The following PLXNA4 variants were observed in gnomAD, a reference collection of about 807,000 sequenced individuals.
PLXNA4 encodes the protein plexin A4, also known as plexin-A4.
Under a neutral mutation model 191.8 loss-of-function variants are expected in PLXNA4, and 44 were observed. That is an observed-to-expected ratio of 0.23 (90% CI 0.18 to 0.29). PLXNA4 has a LOEUF of 0.29. PLXNA4 is among the 10% of genes least tolerant of loss of function. The pLI is 1.00. For missense variants in PLXNA4, 1,800 were observed against 2,488.8 expected (o/e 0.72, Z 5.89); for synonymous variants, 1,082 against 1,009.5 (o/e 1.07, Z -1.36).
intron 5 of PLXNA4, among the ~76,000 whole-genome samples, chr7:132,237,518 C>T (rs1012385468): frequency 5.3e-5 from 8 of 152,108 alleles, no homozygotes; most frequent in Non-Finnish European, 7.4e-5. Flanking sequence ...AGTGCCTCAG[C>T]GGGCAGGCAG....
chr7:132,196,903 A>G (rs988531661), intron 13 of PLXNA4, among the ~76,000 whole-genome samples: 4 of 152,050 alleles, frequency 2.6e-5, no homozygotes, highest in African/African-American at 7.2e-5. Flanking sequence ...ATGCTCTTTG[A>G]TCATTTTGTG....
At chr7:132,269,002 C>T (rs151280973) in intron 4 of PLXNA4, among the ~76,000 whole-genome samples, 235 of 152,254 alleles carry the variant, frequency 1.5e-3, no homozygotes, top group African/African-American at 5.4e-3. Context: ...TATGTAAAAA[C>T]AAAGTATTAT....
chr7:132,302,686 A>G (rs189353585), intron 3 of PLXNA4, among the ~76,000 whole-genome samples: 5 of 151,448 alleles, frequency 3.3e-5, no homozygotes, highest in Non-Finnish European at 5.9e-5. Context: ...TTCACCGCTC[A>G]TAAGGTAGGA....
Position 132,293,023 on chromosome 7 carries a change from C to T in PLXNA4, c.1503+5068G>A, listed in dbSNP as rs148676516. 3.8e-3 allele frequency among the ~76,000 whole-genome samples: 579 copies of T among 152,218 alleles called. 4 individuals are homozygous for T. The highest frequency in any genetic ancestry group is 0.013 in the African/African-American group (535 of 41,534). ...GAACAAAGGCCTGTTTGCTGGTACA[C>T]GGAGAGCCAGGGTCCAGGGTCACAA... On this transcript the variant is annotated intron_variant, in intron 4 of 31. Coordinates refer to ENST00000321063, the MANE Select transcript of PLXNA4 (RefSeq NM_020911.2).
chr7:132,522,983 C>T (rs1254943636), intron 1 of PLXNA4, among the ~76,000 whole-genome samples: 1 of 151,784 alleles, frequency 6.6e-6, no homozygotes, highest in Non-Finnish European at 1.5e-5. Flanking sequence ...GAGGTGGCAC[C>T]ATTGGGCAAG....
At chr7:132,534,005 C>T (rs1323516253) in intron 1 of PLXNA4, among the ~76,000 whole-genome samples, 1 of 152,018 alleles carries the variant, frequency 6.6e-6, no homozygotes, top group Non-Finnish European at 1.5e-5. Context: ...CAAAGACATT[C>T]CTTGGTGGCT....
At position 132,202,629 on chromosome 7, in the gene PLXNA4, G is replaced by A; in HGVS notation, c.2586+17C>T. The A allele has an allele frequency of 6.9e-7, 1 of 1,453,006 alleles. No homozygotes were observed. The highest frequency in any genetic ancestry group is 9.1e-7 in the Non-Finnish European group (1 of 1,096,178). The allele number at this position is 1,453,006 out of a possible 1,614,324, so 90.0% of individuals were successfully genotyped here. ...GGAGCCTGCCCATTTGGAGCAGGAGGCCCGACCCCGGCTTACCTCTGTGAT... is the reference window on the plus strand; with the variant it reads ...GGAGCCTGCCCATTTGGAGCAGGAGACCCGACCCCGGCTTACCTCTGTGAT... On this transcript the variant is annotated intron_variant, in intron 12 of 31. Transcript: ENST00000321063.
At chr7:132,528,221 C>G (rs1452627349) in intron 1 of PLXNA4, among the ~76,000 whole-genome samples, 3 of 152,176 alleles carry the variant, frequency 2.0e-5, no homozygotes, top group African/African-American at 7.2e-5. Context: ...TTGTGGTTGA[C>G]TCACCAGGAA....
intron 5 of PLXNA4, among the ~76,000 whole-genome samples, chr7:132,236,442 C>T (rs770164081): frequency 7.2e-5 from 11 of 152,310 alleles, no homozygotes; most frequent in Admixed American, 2.0e-4. Context: ...GAACTCTTTT[C>T]CTGCCGTCCT....
chr7:132,146,696 G>A lies in PLXNA4; in HGVS notation c.4869C>T (p.Asn1623=), dbSNP rs773195033. The part of the protein sequence containing the change: ...VSRTSASKYE[N]MIRYTGSPDS... Reference sequence around the variant, plus strand: ...CGGGGCTGCCCGTGTACCGGATCATGTTTTCTGCCAAGGCAAGGATCACCC... The same window carrying A: ...CGGGGCTGCCCGTGTACCGGATCATATTTTCTGCCAAGGCAAGGATCACCC... The change falls in exon 28 of 32, where the codon AAC becomes AAT. Residue 1623 remains asparagine, a synonymous_variant. Coordinates refer to ENST00000321063, the MANE Select transcript of PLXNA4 (RefSeq NM_020911.2). 1.8e-5 allele frequency: 29 copies of A among 1,614,024 alleles called. No individual in the cohort carries two copies. In the South Asian group the frequency reaches 3.2e-4, roughly 18 times the overall value.
intron 1 of PLXNA4, among the ~76,000 whole-genome samples, chr7:132,529,198 C>T (rs928814697): frequency 1.3e-5 from 2 of 152,178 alleles, no homozygotes; most frequent in African/African-American, 4.8e-5. Flanking sequence ...CTGGCTGCCT[C>T]CCATTGCAGG....
At chr7:132,462,865 G>C (rs562292693) in intron 3 of PLXNA4, among the ~76,000 whole-genome samples, 1 of 137,362 alleles carries the variant, frequency 7.3e-6, no homozygotes, top group East Asian at 2.3e-4. Context: ...TTTTTTGTGA[G>C]GGGGACCGAG....
intron 3 of PLXNA4, among the ~76,000 whole-genome samples, chr7:132,450,741 C>T (rs887710382): frequency 2.0e-5 from 3 of 152,186 alleles, no homozygotes; most frequent in Admixed American, 6.5e-5. Flanking sequence ...GACTCCTAGC[C>T]CCCTTAGTGG....
At chr7:132,577,619 CT>C (rs977495452), upstream of PLXNA4, among the ~76,000 whole-genome samples, 3 of 152,156 alleles carry the variant, frequency 2.0e-5, no homozygotes, top group African/African-American at 7.2e-5. Flanking sequence ...CGACACCCCC[CT>C]GGGTCCCCTC....
intron 3 of PLXNA4, among the ~76,000 whole-genome samples, chr7:132,481,759 A>T (rs1797346444): frequency 6.6e-6 from 1 of 152,132 alleles, no homozygotes; most frequent in South Asian, 2.1e-4. Flanking sequence ...GCAGCTACTG[A>T]TTCAAAATCT....
At position 132,508,415 on chromosome 7, in the gene PLXNA4, G is replaced by A. The variant is rs780867279; in HGVS notation, c.279C>T (p.Pro93=). 16 of 1,614,074 alleles carry A rather than the reference G, an allele frequency of 9.9e-6. No homozygotes were observed. ...GGACGATGCGGGGTGGGTAACACTT[G>A]GGGTTGTCCTCGTCCGGCCCTGTCT... is the stretch of plus-strand genomic sequence containing the variant. ...THETGPDEDN[P]KCYPPRIVQT... The change falls in exon 2 of 32, where the codon CCC becomes CCT. Residue 93 remains proline (P), a synonymous_variant. Transcript: ENST00000321063. This position sits in a 1 kb window ranked among gnomAD's most constrained non-coding sequence, Gnocchi z 4.4.
intron 4 of PLXNA4, among the ~76,000 whole-genome samples, chr7:132,244,973 A>G (rs957008181): frequency 2.6e-5 from 4 of 152,194 alleles, no homozygotes; most frequent in Middle Eastern, 3.4e-3. Flanking sequence ...CTTTCCCCAA[A>G]TACCTAGACT....
chr7:132,256,040 C>T (rs1799420208), intron 4 of PLXNA4, among the ~76,000 whole-genome samples: 1 of 152,230 alleles, frequency 6.6e-6, no homozygotes, highest in African/African-American at 2.4e-5. Context: ...GGAAATCATG[C>T]TGGCTCCTAG....
intron 2 of PLXNA4, among the ~76,000 whole-genome samples, chr7:132,621,576 A>G (rs1170849995): frequency 4.6e-5 from 7 of 152,106 alleles, no homozygotes. Flanking sequence ...TAGTTTTTAT[A>G]CATTGCTGCA....
Sources: gnomAD v4.1 joint callset for allele counts (sites outside exome capture counted in the v4.1 genomes callset) on GRCh38, gnomAD v4.1.1 for gene constraint, Gnocchi (gnomAD v3.1) non-coding constraint, MANE v1.5 for transcripts, NCBI Gene and HGNC (gene_info 2026-07-23, HGNC 2026-07-21) for gene names.